PDLIM5: variants seen among roughly 807,000 people sequenced by gnomAD.
PDLIM5 encodes the protein PDZ and LIM domain protein 5.
In PDLIM5, 34 loss-of-function variants were observed where a neutral mutation model predicts 64.2. That is an observed-to-expected ratio of 0.53 (90% confidence interval 0.40 to 0.71). PDLIM5 has a LOEUF of 0.71. PDLIM5 is among the 30% of genes least tolerant of loss of function. The pLI is 0.00. For missense variants in PDLIM5, 683 were observed against 733.6 expected, an observed-to-expected ratio of 0.93 and a Z score of 0.80; for synonymous variants, 253 against 269.1, an observed-to-expected ratio of 0.94 and a Z score of 0.59.
intron 5 of PDLIM5, chr4:94,583,080 G>A (rs1735867232): frequency 6.0e-6 from 1 of 166,828 alleles, no homozygotes; most frequent in Non-Finnish European, 1.3e-5. Context: ...TAAATTACTT[G>A]CTCCTGAGAG....
chr4:94,664,491 T>A lies in PDLIM5; in HGVS notation c.*424T>A. ...TTATCAATAACAGAATTATTGTATT[T>A]AAAAAAAAACTAATACTTATCTTTA... is the stretch of plus-strand genomic sequence containing the variant. On this transcript the variant is annotated 3_prime_UTR_variant, in exon 13 of 13. Coordinates refer to ENST00000317968, the MANE Select transcript of PDLIM5 (RefSeq NM_006457.5). 7 of 690,608 alleles carry A rather than the reference T, an allele frequency of 1.0e-5. No individual in the cohort carries two copies. The highest frequency in any genetic ancestry group is 7.1e-4 in the Middle Eastern group (1 of 1,402). 42.8% of individuals were successfully genotyped at this position (690,608 alleles called of 1,614,324 possible). A position where few individuals can be genotyped will look rare whatever the true frequency, so the allele number is the denominator to read the frequency against.
In PDLIM5 at chr4:94,575,656, C is replaced by A. The variant is rs1735178683; in HGVS notation, c.332C>A (p.Ser111Tyr). ...KEVVKPVPIT[S>Y]PAVSKVTSTN... The stretch of plus-strand genomic sequence containing the variant: ...GTAGTTAAACCTGTGCCCATTACAT[C>A]TCCTGCTGTGTCCAAAGTCACTTCC... Residue 111 changes from serine (S) to tyrosine (Y), a missense_variant, in exon 5 of 13, where the codon TCT (serine) becomes TAT (tyrosine). Coordinates refer to ENST00000317968, the MANE Select transcript of PDLIM5 (RefSeq NM_006457.5). 1 of 1,608,052 alleles carries A rather than the reference C, an allele frequency of 6.2e-7. No individual in the cohort carries two copies. The highest frequency in any genetic ancestry group is 1.3e-5 in the African/African-American group (1 of 74,890).
intron 2 of PDLIM5, among the ~76,000 whole-genome samples, chr4:94,474,598 C>A (rs1469139676): frequency 6.6e-6 from 1 of 152,104 alleles, no homozygotes; most frequent in African/African-American, 2.4e-5. Flanking sequence ...GAAGTGGTAG[C>A]CACAGACCAA....
At position 94,665,750 on chromosome 4, in the gene PDLIM5, A is replaced by AC. The variant is rs1743051432; in HGVS notation, c.*1684dup. ...GGTTTGAGGATGTGATGAAATTGAG[A>AC]CTTTTTGTGGTTTTCTCTCAATAAT... On this transcript the variant is annotated 3_prime_UTR_variant, in exon 13 of 13. Coordinates refer to ENST00000317968, the MANE Select transcript of PDLIM5 (RefSeq NM_006457.5). 8.1e-7 allele frequency: 1 copy of AC among 1,231,994 alleles called. No individual in the cohort carries two copies. Among genetic ancestry groups the AC allele is most frequent in the African/African-American group, 1.6e-5 (1 of 64,292 alleles). 76.3% of individuals were successfully genotyped at this position (1,231,994 alleles called of 1,614,324 possible).
At chr4:94,514,205 G>C (rs1041127320) in intron 2 of PDLIM5, among the ~76,000 whole-genome samples, 1 of 150,326 alleles carries the variant, frequency 6.7e-6, no homozygotes, top group African/African-American at 2.5e-5. Flanking sequence ...CGCAATCTGG[G>C]CTCACTGCAA....
At chr4:94,617,405 G>C (rs186850956) in intron 7 of PDLIM5, among the ~76,000 whole-genome samples, 292 of 152,168 alleles carry the variant, frequency 1.9e-3, no homozygotes, top group African/African-American at 6.6e-3. Context: ...TGTTCTGTTA[G>C]GCAAGGGTTG....
intron 3 of PDLIM5, among the ~76,000 whole-genome samples, chr4:94,564,970 A>G (rs1734189776): frequency 6.6e-6 from 1 of 152,090 alleles, no homozygotes; most frequent in African/African-American, 2.4e-5. Context: ...TGTTTTATTC[A>G]TTACCATTGC....
intron 5 of PDLIM5, chr4:94,584,927 T>C (rs1482699806): frequency 7.1e-6 from 8 of 1,129,366 alleles, no homozygotes; most frequent in Non-Finnish European, 1.0e-5. Flanking sequence ...ATCATTTTCC[T>C]TTCCTTTTTC....
intron 3 of PDLIM5, among the ~76,000 whole-genome samples, chr4:94,556,612 A>G (rs1733354200): frequency 6.6e-6 from 1 of 152,160 alleles, no homozygotes; most frequent in Admixed American, 6.5e-5. Flanking sequence ...TTGGTGTGAG[A>G]TGATATCTCA....
chr4:94,468,438 C>G (rs532323332), intron 2 of PDLIM5, among the ~76,000 whole-genome samples: 1 of 152,260 alleles, frequency 6.6e-6, no homozygotes, highest in South Asian at 2.1e-4. Flanking sequence ...GGCATCTGTG[C>G]ACTTTTGTAC....
Position 94,665,505 on chromosome 4 carries a change from A to AT in PDLIM5, c.*1438_*1439insT. On this transcript the variant is annotated 3_prime_UTR_variant, in exon 13 of 13. Transcript: ENST00000317968. Reference sequence around the variant, plus strand: ...TTAAAAAAAAAAAAAAAAAAAAAAAAAGAGAGAGAGAGAATAAATAGAAAA... The same window carrying AT: ...TTAAAAAAAAAAAAAAAAAAAAAAAATAGAGAGAGAGAGAATAAATAGAAAA... 6.0e-6 allele frequency: 4 copies of AT among 662,886 alleles called. No homozygotes were observed. The highest frequency in any genetic ancestry group is 2.2e-5 in the African/African-American group (1 of 45,276). 41.1% of individuals were successfully genotyped at this position (662,886 alleles called of 1,614,324 possible). A position where few individuals can be genotyped will look rare whatever the true frequency, so the allele number is the denominator to read the frequency against.
At chr4:94,560,852 G>C (rs1434991817) in intron 3 of PDLIM5, among the ~76,000 whole-genome samples, 1 of 152,040 alleles carries the variant, frequency 6.6e-6, no homozygotes, top group African/African-American at 2.4e-5. Flanking sequence ...TCAGCCTCCT[G>C]AGTAGCTGGG....
intron 5 of PDLIM5, chr4:94,579,245 A>G (rs1286681377): frequency 8.8e-6 from 2 of 227,308 alleles, no homozygotes; most frequent in Non-Finnish European, 1.7e-5. Flanking sequence ...TTACTCTACT[A>G]AGAGCCAAAT....
intron 5 of PDLIM5, among the ~76,000 whole-genome samples, chr4:94,576,719 A>G (rs1372772342): frequency 3.9e-5 from 6 of 152,244 alleles, no homozygotes; most frequent in African/African-American, 1.2e-4. Context: ...CTAAACATAC[A>G]TGTTAGCAGA....
At chr4:94,490,354 A>G (rs1726759307) in intron 2 of PDLIM5, among the ~76,000 whole-genome samples, 1 of 152,008 alleles carries the variant, frequency 6.6e-6, no homozygotes. Context: ...TGTGCTTTCT[A>G]TTCAGTTCTT....
chr4:94,542,768 G>A (rs77173737), intron 3 of PDLIM5, among the ~76,000 whole-genome samples: 6,095 of 152,102 alleles, frequency 0.04, 425 homozygotes, highest in African/African-American at 0.14. Flanking sequence ...TAATAGGAGC[G>A]AATGCTACTT....
intron 8 of PDLIM5, among the ~76,000 whole-genome samples, chr4:94,629,105 C>T (rs1405646023): frequency 6.6e-6 from 1 of 152,150 alleles, no homozygotes; most frequent in Non-Finnish European, 1.5e-5. Flanking sequence ...AATCCCAGCA[C>T]TTTGGGAAGC....
chr4:94,455,209 G>A, intron 1 of PDLIM5, 38 bp from the exon 2 acceptor site: 2 of 813,936 alleles, frequency 2.5e-6, no homozygotes, highest in South Asian at 3.1e-5. Context: ...AGGGTTTCAA[G>A]TAAACATTTT....
chr4:94,477,515 T>G (rs1372696047), intron 2 of PDLIM5, among the ~76,000 whole-genome samples: 1 of 152,212 alleles, frequency 6.6e-6, no homozygotes, highest in African/African-American at 2.4e-5. Context: ...TTTTGACTTC[T>G]CTTCATGGTT....
Sources: gnomAD v4.1 joint callset for allele counts (sites outside exome capture counted in the v4.1 genomes callset) on GRCh38, gnomAD v4.1.1 for gene constraint, MANE v1.5 for transcripts, NCBI Gene and HGNC (gene_info 2026-07-23, HGNC 2026-07-21) for gene names.